GSN: variants seen among roughly 807,000 people sequenced by gnomAD.
GSN encodes the protein gelsolin.
In GSN, 56 loss-of-function variants were observed where a neutral mutation model predicts 85.7. That is an observed-to-expected ratio of 0.65 (90% CI 0.53 to 0.82). GSN has a LOEUF of 0.82. Ranked by LOEUF, GSN falls within the 40% of genes least tolerant of loss-of-function variation. GSN has a pLI of 0.00. For missense variants in GSN, 857 were observed against 979.8 expected (o/e 0.87, Z 1.67); for synonymous variants, 373 against 399.1 (o/e 0.93, Z 0.78).
chr9:121,273,673 G>GT (rs1293652951), intron 1 of GSN, among the ~76,000 whole-genome samples: 2 of 151,630 alleles, frequency 1.3e-5, no homozygotes, highest in South Asian at 2.1e-4. Flanking sequence ...CTGACTTTCT[G>GT]TTTTTTCTCA....
intron 6 of GSN, among the ~76,000 whole-genome samples, chr9:121,254,447 T>C (rs2054906674): frequency 6.6e-6 from 1 of 152,190 alleles, no homozygotes. Flanking sequence ...AAGTTCCTGC[T>C]CCCTCAGACT....
At chr9:121,221,126 G>A (rs1359541910) in intron 4 of GSN, among the ~76,000 whole-genome samples, 3 of 152,206 alleles carry the variant, frequency 2.0e-5, no homozygotes, top group African/African-American at 7.2e-5. Context: ...ACCCCGAGGA[G>A]GGGCGCCTCG....
chr9:121,324,675 C>A, intron 12 of GSN, 31 bp downstream of exon 12: 2 of 1,053,376 alleles, frequency 1.9e-6, no homozygotes, highest in Non-Finnish European at 2.9e-6. Flanking sequence ...CTCTGGGCTG[C>A]AGCCTGAGCC....
intron 4 of GSN, among the ~76,000 whole-genome samples, chr9:121,213,606 G>C (rs140923801): frequency 1.3e-5 from 2 of 152,354 alleles, no homozygotes; most frequent in East Asian, 3.9e-4. Context: ...GCCGTCAGCT[G>C]AGATCTTGGC....
chr9:121,223,733 C>T (rs1010428637), intron 4 of GSN, among the ~76,000 whole-genome samples: 7 of 152,146 alleles, frequency 4.6e-5, no homozygotes, highest in Non-Finnish European at 1.0e-4. Flanking sequence ...AATCTCAGCT[C>T]GCTGCAAACC....
chr9:121,327,176 T>C (rs1447018754), intron 13 of GSN, 132 bp from the exon 14 acceptor site: 1 of 823,592 alleles, frequency 1.2e-6, no homozygotes, highest in Non-Finnish European at 2.2e-6. Flanking sequence ...GTCTGTGCCC[T>C]CAGCTCTGAT....
At chr9:121,233,977 A>G (rs2054443245) in intron 5 of GSN, among the ~76,000 whole-genome samples, 1 of 152,208 alleles carries the variant, frequency 6.6e-6, no homozygotes, top group African/African-American at 2.4e-5. Flanking sequence ...AAGTCTGGGT[A>G]AGTGATCCAG....
intron 2 of GSN, among the ~76,000 whole-genome samples, chr9:121,289,744 GAGGC>G (rs961139695): frequency 4.6e-5 from 7 of 152,198 alleles, no homozygotes; most frequent in Non-Finnish European, 8.8e-5. Context: ...TGGTCTCCCG[GAGGC>G]AGGCAGGTGA....
rs2059593996 is a variant in GSN at position 121,299,785 on chromosome 9, G to C, written c.-9-2178G>C. The C allele has an allele frequency of 8.1e-7, 1 of 1,237,256 alleles. No homozygotes were observed. The highest frequency in any genetic ancestry group is 1.0e-6 in the Non-Finnish European group (1 of 983,508). 76.6% of individuals were successfully genotyped at this position (1,237,256 alleles called of 1,614,324 possible). A position where few individuals can be genotyped will look rare whatever the true frequency, so the allele number is the denominator to read the frequency against. On this transcript the variant is annotated intron_variant, in intron 2 of 17. Coordinates refer to ENST00000432226, the MANE Select transcript of GSN (RefSeq NM_198252.3). The surrounding 1 kb of genome is among the most constrained non-coding windows in gnomAD (Gnocchi z 4.2). Reference sequence around the variant, plus strand: ...TGGGGGGCGGTCCCCGGCTTGGGCGGGATGGGCGGGCGGCTACTTAAGGTC... The same window carrying C: ...TGGGGGGCGGTCCCCGGCTTGGGCGCGATGGGCGGGCGGCTACTTAAGGTC...
At position 121,247,032 on chromosome 9, in the gene GSN, A is replaced by C. The variant is rs528299759; in HGVS notation, c.-388-1244A>C. ...CAGACAGAGCAATAGGCATCTATAT[A>C]GTTGAGTCAGGCCAGATCATGAGAT... is the stretch of plus-strand genomic sequence containing the variant. On this transcript the variant is annotated intron_variant, in intron 5 of 24. Transcript: ENST00000373823. Among the ~76,000 whole-genome samples, 6 of 152,328 alleles carry C rather than the reference A, an allele frequency of 3.9e-5. No homozygotes were observed. In the East Asian group the frequency reaches 7.7e-4, roughly 20 times the overall value.
rs1004290163 is a variant in GSN at position 121,261,717 on chromosome 9, C to T, written c.-340-3437C>T. Reference sequence around the variant, plus strand: ...GTACCCTGTATCCCTGACACACTGGCTCAAGCTCATTCACCTTAAACACCT... The same window carrying T: ...GTACCCTGTATCCCTGACACACTGGTTCAAGCTCATTCACCTTAAACACCT... On this transcript the variant is annotated intron_variant, in intron 6 of 24. Transcript: ENST00000373823. The surrounding 1 kb of genome is among the most constrained non-coding windows in gnomAD (Gnocchi z 4.1). Among the ~76,000 whole-genome samples the T allele has an allele frequency of 4.6e-5, 7 of 152,188 alleles. No individual in the cohort carries two copies. The highest frequency in any genetic ancestry group is 1.0e-4 in the Non-Finnish European group (7 of 68,032).
chr9:121,293,825 T>G (rs563950854), intron 2 of GSN, among the ~76,000 whole-genome samples: 1 of 152,344 alleles, frequency 6.6e-6, no homozygotes, highest in South Asian at 2.1e-4. Flanking sequence ...TTATATGTGC[T>G]TATTCTGTAC....
At chr9:121,324,017 A>G (rs532181963) in intron 11 of GSN, among the ~76,000 whole-genome samples, 3 of 152,320 alleles carry the variant, frequency 2.0e-5, no homozygotes, top group South Asian at 2.1e-4. Context: ...AAACTTAGAC[A>G]ATATGCAAAG....
At chr9:121,224,760 AAAG>A (rs1289674093) in intron 4 of GSN, among the ~76,000 whole-genome samples, 1 of 151,272 alleles carries the variant, frequency 6.6e-6, no homozygotes, top group Non-Finnish European at 1.5e-5. Flanking sequence ...AAAAAAAAGA[AAAG>A]AAAACTGAAT....
chr9:121,309,967 GAAGA>G (rs1192809427), intron 4 of GSN: 3 of 152,624 alleles, frequency 2.0e-5, no homozygotes, highest in Admixed American at 1.3e-4. Context: ...TGAAAGGAAG[GAAGA>G]GAGAGAGAGA....
rs1021174216 is a variant in GSN, at chr9:121,302,246, G to A, written c.196+79G>A. The A allele has an allele frequency of 3.4e-6, 5 of 1,484,460 alleles. No homozygotes were observed. The South Asian group carries it at 5.7e-5, about 17-fold the overall frequency. 92.0% of individuals were successfully genotyped at this position (1,484,460 alleles called of 1,614,324 possible). On this transcript the variant is annotated intron_variant, in intron 3 of 17. Coordinates refer to ENST00000432226, the MANE Select transcript of GSN (RefSeq NM_198252.3). ...ACCTTTGGGGCATGGTCCCCAGGGA[G>A]GGAACTGATTATTGAGCACCTAGTA...
rs776618806 is a variant in GSN, at chr9:121,321,307, C to T, written c.1231C>T (p.Pro411Ser). The T allele has an allele frequency of 1.2e-5, 20 of 1,613,898 alleles. No individual in the cohort carries two copies. In the South Asian group the frequency reaches 1.8e-4, roughly 14 times the overall value. Residue 411 changes from proline to serine, a missense_variant, in exon 11 of 18, where the codon CCT becomes TCT. Physicochemically the swap from Pro to Ser is moderately conservative, Grantham distance 74. Coordinates refer to ENST00000432226, the MANE Select transcript of GSN (RefSeq NM_198252.3). ...AGGTTCCAACAAGGTGCCCGTGGAC[C>T]CTGCCACATATGGACAGTTCTATGG... is the stretch of plus-strand genomic sequence containing the variant. ...IEGSNKVPVDPATYGQFYGGD... is the reference protein window; with the variant it reads ...IEGSNKVPVDSATYGQFYGGD...
upstream of GSN, among the ~76,000 whole-genome samples, chr9:121,264,521 A>T (rs2055158503): frequency 6.6e-6 from 1 of 152,238 alleles, no homozygotes. Context: ...ACACTAAATC[A>T]GTTCTTAAGA....
At chr9:121,237,957 C>T (rs908221672) in intron 5 of GSN, among the ~76,000 whole-genome samples, 6 of 152,236 alleles carry the variant, frequency 3.9e-5, no homozygotes, top group Admixed American at 2.0e-4. Flanking sequence ...CAGTTTAAAG[C>T]ATTCAACACT....
Sources: allele counts gnomAD v4.1 joint callset (sites outside exome capture counted in the v4.1 genomes callset), GRCh38; gene constraint gnomAD v4.1.1; non-coding constraint Gnocchi (gnomAD v3.1); transcripts MANE v1.5; gene names NCBI Gene and HGNC (gene_info 2026-07-23, HGNC 2026-07-21).